The following KIRREL3 variants were observed in gnomAD, a reference collection of about 807,000 sequenced individuals.
The protein encoded by KIRREL3 is kirre like nephrin family adhesion molecule 3.
KIRREL3 carries 36 observed loss-of-function variants against 89.7 expected under a neutral mutation model. That is an observed-to-expected ratio of 0.40 (90% CI 0.31 to 0.53). The LOEUF (loss-of-function observed/expected upper bound fraction) is 0.53. KIRREL3 is among the 20% of genes least tolerant of loss of function. The probability of loss-of-function intolerance (pLI) is 0.49; values close to 1 mark genes in which losing one functional copy is unlikely to be tolerated. For missense variants in KIRREL3, 864 were observed against 1,056.6 expected (o/e 0.82, Z 2.53); for synonymous variants, 445 against 441.4 (o/e 1.01, Z -0.10).
chr11:126,813,214 T>C (rs1231556079), intron 1 of KIRREL3, among the ~76,000 whole-genome samples: 2 of 152,202 alleles, frequency 1.3e-5, no homozygotes, highest in African/African-American at 4.8e-5. Flanking sequence ...CTTCAGATAC[T>C]TGGGAGGCAT....
At chr11:126,457,141 T>C (rs35431258) in intron 6 of KIRREL3, among the ~76,000 whole-genome samples, 43,730 of 150,976 alleles carry the variant, frequency 0.29, 7,065 homozygotes, top group Non-Finnish European at 0.35. Flanking sequence ...CAGCGAGACA[T>C]GTACATAGAG....
chr11:126,717,496 G>A (rs3909726), intron 1 of KIRREL3, among the ~76,000 whole-genome samples: 121,158 of 151,594 alleles, frequency 0.8, 49,003 homozygotes, highest in East Asian at 0.99. Context: ...GAAAGTTCTC[G>A]CGGGGAACTG....
intron 15 of KIRREL3, among the ~76,000 whole-genome samples, chr11:126,426,636 A>C (rs575380856): frequency 1.9e-4 from 29 of 152,340 alleles, no homozygotes; most frequent in Middle Eastern, 3.4e-3. Flanking sequence ...CTGAATAACC[A>C]CAGTGATGCT....
chr11:126,479,419 G>C (rs1416325792), intron 4 of KIRREL3, among the ~76,000 whole-genome samples: 1 of 152,230 alleles, frequency 6.6e-6, no homozygotes, highest in Non-Finnish European at 1.5e-5. Flanking sequence ...AGCTGATGGG[G>C]AGGCCCTTGC....
chr11:126,629,399 G>A (rs114415949), intron 1 of KIRREL3, among the ~76,000 whole-genome samples: 7 of 152,086 alleles, frequency 4.6e-5, no homozygotes, highest in Admixed American at 3.9e-4. Flanking sequence ...GCTCTGGGGG[G>A]CCAGCTGGGA....
In KIRREL3 at chr11:126,574,448, G is replaced by A. The variant is rs1473594114; in HGVS notation, c.56-11536C>T. 1.3e-5 allele frequency among the ~76,000 whole-genome samples: 2 copies of A among 152,188 alleles called. No individual in the cohort carries two copies. Among genetic ancestry groups the A allele is most frequent in the African/African-American group, 4.8e-5 (2 of 41,434 alleles). ...TTGAGTATGGAATCAACCTCAAACA[G>A]GTCCAGGGGAGCGATTCTGAGCCAC... On this transcript the variant is annotated intron_variant, in intron 1 of 16. Coordinates refer to ENST00000525144, the MANE Select transcript of KIRREL3 (RefSeq NM_032531.4). This position sits in a 1 kb window ranked among gnomAD's most constrained non-coding sequence, Gnocchi z 5.3.
In KIRREL3 at chr11:126,537,959, G is replaced by A. The variant is rs1000823047; in HGVS notation, c.134-11272C>T. On this transcript the variant is annotated intron_variant, in intron 2 of 16. Coordinates refer to ENST00000525144, the MANE Select transcript of KIRREL3 (RefSeq NM_032531.4). The surrounding 1 kb of genome is among the most constrained non-coding windows in gnomAD (Gnocchi z 4.3). Reference sequence around the variant, plus strand: ...TTGCACCCATTAGAATGCTGCATGGGTGGTGCAGGAGACAGTGGGTGAGCC... The same window carrying A: ...TTGCACCCATTAGAATGCTGCATGGATGGTGCAGGAGACAGTGGGTGAGCC... 6.6e-6 allele frequency among the ~76,000 whole-genome samples: 1 copy of A among 152,072 alleles called. No homozygotes were observed. The highest frequency in any genetic ancestry group is 1.5e-5 in the Non-Finnish European group (1 of 68,032).
intron 1 of KIRREL3, among the ~76,000 whole-genome samples, chr11:126,951,974 T>C (rs1190067875): frequency 1.3e-5 from 2 of 152,176 alleles, no homozygotes; most frequent in Non-Finnish European, 2.9e-5. Flanking sequence ...AAAAGATCCA[T>C]GATGAGCCAG....
chr11:126,745,673 G>A (rs1949124993), intron 1 of KIRREL3, among the ~76,000 whole-genome samples: 1 of 152,166 alleles, frequency 6.6e-6, no homozygotes, highest in Non-Finnish European at 1.5e-5. Context: ...AGTATCAGGT[G>A]GTCTAACCAC....
Position 126,918,375 on chromosome 11 carries a change from G to A in KIRREL3, c.55+82080C>T, listed in dbSNP as rs967374145. 6.6e-6 allele frequency among the ~76,000 whole-genome samples: 1 copy of A among 152,162 alleles called. No homozygotes were observed. The highest frequency in any genetic ancestry group is 6.5e-5 in the Admixed American group (1 of 15,276). On this transcript the variant is annotated intron_variant, in intron 1 of 16. Coordinates refer to ENST00000525144, the MANE Select transcript of KIRREL3 (RefSeq NM_032531.4). This position sits in a 1 kb window ranked among gnomAD's most constrained non-coding sequence, Gnocchi z 6.5. ...GCATTTATTTTGGCAATTTGGTGCC[G>A]AATATTTACGACAGTGCTTTAGACC...
At chr11:126,878,612 C>T (rs147693984) in intron 1 of KIRREL3, among the ~76,000 whole-genome samples, 2 of 151,424 alleles carry the variant, frequency 1.3e-5, no homozygotes, top group South Asian at 4.2e-4. Context: ...AAATGCAACA[C>T]AACCCTGAAT....
rs902584498 is a variant in KIRREL3, at chr11:126,723,112, T to G, written c.56-160200A>C. ...ACACATGTTGGACTCTCCACTTGAC[T>G]GAGATTAAGTGGGTAGGGACTGTGG... On this transcript the variant is annotated intron_variant, in intron 1 of 16. Transcript: ENST00000525144. The surrounding 1 kb of genome is among the most constrained non-coding windows in gnomAD (Gnocchi z 4.0). Among the ~76,000 whole-genome samples, 1 of 152,194 alleles carries G rather than the reference T, an allele frequency of 6.6e-6. No individual in the cohort carries two copies. The highest frequency in any genetic ancestry group is 2.1e-4 in the South Asian group (1 of 4,826).
chr11:126,747,524 C>T lies in KIRREL3; in HGVS notation c.56-184612G>A, dbSNP rs1369068529. Among the ~76,000 whole-genome samples the T allele has an allele frequency of 1.3e-5, 2 of 152,026 alleles. No individual in the cohort carries two copies. Among genetic ancestry groups the T allele is most frequent in the Admixed American group, 1.3e-4 (2 of 15,270 alleles). Reference sequence around the variant, plus strand: ...AAACTCCTATTCATCCATCAAAGGCCTGCTCACATGTTCCCTCTCTGCAAA... The same window carrying T: ...AAACTCCTATTCATCCATCAAAGGCTTGCTCACATGTTCCCTCTCTGCAAA... On this transcript the variant is annotated intron_variant, in intron 1 of 16. Coordinates refer to ENST00000525144, the MANE Select transcript of KIRREL3 (RefSeq NM_032531.4). This position sits in a 1 kb window ranked among gnomAD's most constrained non-coding sequence, Gnocchi z 4.7.
chr11:126,680,415 T>TAC (rs1555174489), intron 1 of KIRREL3, among the ~76,000 whole-genome samples: 3 of 151,498 alleles, frequency 2.0e-5, no homozygotes, highest in Admixed American at 6.6e-5. Flanking sequence ...TATATATATA[T>TAC]ACACATAGCC....
At position 126,462,147 on chromosome 11, in the gene KIRREL3, T is replaced by G. The variant is rs1429005203; in HGVS notation, c.742+1010A>C. On this transcript the variant is annotated intron_variant, in intron 6 of 16. Transcript: ENST00000525144. The surrounding 1 kb of genome is among the most constrained non-coding windows in gnomAD (Gnocchi z 4.8). ...TTCAGGGGTCTCTGTTAGGTGGTTGTGGGATGCGATGCTGGTGGAGCCCTG... is the reference window on the plus strand; with the variant it reads ...TTCAGGGGTCTCTGTTAGGTGGTTGGGGGATGCGATGCTGGTGGAGCCCTG... Among the ~76,000 whole-genome samples, 1 of 152,102 alleles carries G rather than the reference T, an allele frequency of 6.6e-6. No individual in the cohort carries two copies. The highest frequency in any genetic ancestry group is 6.5e-5 in the Admixed American group (1 of 15,272).
intron 1 of KIRREL3, among the ~76,000 whole-genome samples, chr11:126,921,712 TTCTATCTATATCTATCAA>T (rs1378008116): frequency 2.0e-5 from 3 of 151,382 alleles, no homozygotes; most frequent in Non-Finnish European, 1.5e-5. Context: ...TTCTTTTTCT[TTCTATCTATATCTATCAA>T]TCTATCTATA....
In KIRREL3 at chr11:126,724,615, T is replaced by C. The variant is rs1224413529; in HGVS notation, c.56-161703A>G. 6.6e-6 allele frequency among the ~76,000 whole-genome samples: 1 copy of C among 152,226 alleles called. No individual in the cohort carries two copies. The highest frequency in any genetic ancestry group is 1.5e-5 in the Non-Finnish European group (1 of 68,036). ...AGTTTCTTCAGCTGCTCTGTAGATA[T>C]GTCATGTCGAGATTGAATTCAGGTA... On this transcript the variant is annotated intron_variant, in intron 1 of 16. Transcript: ENST00000525144. The surrounding 1 kb of genome is among the most constrained non-coding windows in gnomAD (Gnocchi z 4.3).
chr11:126,424,378 C>CCCCCCCCACAG lies in KIRREL3; in HGVS notation c.*201_*202insCTGTGGGGGGG. ...CGCAGCCTCTGTCTGTCTCCCCACC[C>CCCCCCCCACAG]GCCCACCTCTGGCACACAGCACCTG... On this transcript the variant is annotated 3_prime_UTR_variant, in exon 17 of 17. Transcript: ENST00000525144. 1 of 459,258 alleles carries CCCCCCCCACAG rather than the reference C, an allele frequency of 2.2e-6. No individual in the cohort carries two copies. The highest frequency in any genetic ancestry group is 4.3e-5 in the East Asian group (1 of 23,458). The allele number at this position is 459,258 out of a possible 1,614,324, so 28.4% of individuals were successfully genotyped here. A position where few individuals can be genotyped will look rare whatever the true frequency, so the allele number is the denominator to read the frequency against.
chr11:126,710,326 T>A lies in KIRREL3; in HGVS notation c.56-147414A>T, dbSNP rs905150760. On this transcript the variant is annotated intron_variant, in intron 1 of 16. Transcript: ENST00000525144. The surrounding 1 kb of genome is among the most constrained non-coding windows in gnomAD (Gnocchi z 4.2). ...CACAAAGCTGAGGAGAGAAGGGAGA[T>A]AGCTAGCTCAGTGTGGCACCCCATT... 6.6e-6 allele frequency among the ~76,000 whole-genome samples: 1 copy of A among 152,238 alleles called. No individual in the cohort carries two copies. The highest frequency in any genetic ancestry group is 2.4e-5 in the African/African-American group (1 of 41,550).
Sources: allele counts gnomAD v4.1 joint callset (sites outside exome capture counted in the v4.1 genomes callset), GRCh38; gene constraint gnomAD v4.1.1; non-coding constraint Gnocchi (gnomAD v3.1); transcripts MANE v1.5; gene names NCBI Gene and HGNC (gene_info 2026-07-23, HGNC 2026-07-21).